DPT: variants seen among roughly 807,000 people sequenced by gnomAD.
DPT encodes the protein dermatopontin.
In DPT, 21 loss-of-function variants were observed where a neutral mutation model predicts 31.2. That is an observed-to-expected ratio of 0.67 (90% CI 0.48 to 0.97). The LOEUF is 0.97. Ranked by LOEUF, DPT falls within the 50% of genes least tolerant of loss-of-function variation. The pLI, the probability that DPT is intolerant of heterozygous loss-of-function variation, is 0.00. For synonymous variants in DPT, 91 were observed against 86.9 expected (o/e 1.05, Z -0.26); for missense variants, 262 against 258.8 (o/e 1.01, Z -0.08).
intron 3 of DPT, among the ~76,000 whole-genome samples, chr1:168,697,213 G>A (rs1168410075): frequency 1.3e-5 from 2 of 152,074 alleles, no homozygotes; most frequent in African/African-American, 2.4e-5. Context: ...GCAGTGAACC[G>A]AGATGGTGCC....
At chr1:168,715,253 A>G (rs1436066293) in intron 1 of DPT, among the ~76,000 whole-genome samples, 1 of 152,244 alleles carries the variant, frequency 6.6e-6, no homozygotes, top group Non-Finnish European at 1.5e-5. Flanking sequence ...TTGACTTAGA[A>G]TAGTACAATC....
chr1:168,717,710 A>G (rs1167658797), intron 1 of DPT, among the ~76,000 whole-genome samples: 1 of 152,076 alleles, frequency 6.6e-6, no homozygotes, highest in African/African-American at 2.4e-5. Context: ...TTAAGTCTTT[A>G]ATTAATCTTG....
chr1:168,706,875 C>T (rs566037764), intron 2 of DPT, among the ~76,000 whole-genome samples: 2 of 152,296 alleles, frequency 1.3e-5, no homozygotes, highest in African/African-American at 4.8e-5. Context: ...CACTTTGACT[C>T]GTGTTGATTT....
intron 1 of DPT, among the ~76,000 whole-genome samples, chr1:168,724,074 T>G (rs944160004): frequency 6.6e-6 from 1 of 152,230 alleles, no homozygotes; most frequent in Non-Finnish European, 1.5e-5. Flanking sequence ...TTATGGCTTT[T>G]GAAATAAAGA....
intron 1 of DPT, among the ~76,000 whole-genome samples, chr1:168,722,849 AACACACACAC>A (rs10585221): frequency 1.3e-5 from 2 of 149,826 alleles, no homozygotes; most frequent in African/African-American, 2.5e-5. Context: ...CCCTCAAAGA[AACACACACAC>A]ACACACACAC....
At chr1:168,699,155 A>G (rs892661091) in intron 3 of DPT, among the ~76,000 whole-genome samples, 1 of 152,158 alleles carries the variant, frequency 6.6e-6, no homozygotes, top group Non-Finnish European at 1.5e-5. Flanking sequence ...CCTTTACTGT[A>G]TTAATTCCTG....
rs1262015173 is a variant in DPT, at chr1:168,729,023, G to A, written c.152C>T (p.Pro51Leu). The change falls in exon 1 of 4, where the codon CCC (proline) becomes CTC (leucine). Residue 51 changes from proline (P) to leucine (L), a missense_variant. Physicochemically the swap from Pro to Leu is moderately conservative, Grantham distance 98. Transcript: ENST00000367817. The stretch of plus-strand genomic sequence containing the variant: ...CACGGCCACTATCACCTGCCCCTGG[G>A]GACACTGGTAGCTGAAGCCTTGCCG... ...LNRQGFSYQC[P>L]QGQVIVAVRS... 1 of 1,614,178 alleles carries A rather than the reference G, an allele frequency of 6.2e-7. No homozygotes were observed. Among genetic ancestry groups the A allele is most frequent in the African/African-American group, 1.3e-5 (1 of 75,042 alleles).
intron 1 of DPT, among the ~76,000 whole-genome samples, chr1:168,723,512 C>G (rs1452390280): frequency 6.6e-6 from 1 of 152,194 alleles, no homozygotes; most frequent in Non-Finnish European, 1.5e-5. Context: ...TCATAAATCA[C>G]CACGTAGATC....
At chr1:168,696,661 T>C (rs1462115538) in intron 3 of DPT, 46 bp from the exon 4 acceptor site, 1 of 1,564,534 alleles carries the variant, frequency 6.4e-7, no homozygotes. Context: ...AGAAAGGACA[T>C]GGCAGGAAGA....
chr1:168,697,899 G>A (rs1649499531), intron 3 of DPT, among the ~76,000 whole-genome samples: 1 of 152,146 alleles, frequency 6.6e-6, no homozygotes, highest in Non-Finnish European at 1.5e-5. Context: ...TGCCTAACTA[G>A]GTAATCTTAA....
chr1:168,722,987 T>C (rs1383664768), intron 1 of DPT, among the ~76,000 whole-genome samples: 1 of 152,144 alleles, frequency 6.6e-6, no homozygotes, highest in Non-Finnish European at 1.5e-5. Flanking sequence ...GCTTTTGCCA[T>C]CCTTACAAGA....
At chr1:168,699,535 T>C (rs1320200246) in intron 3 of DPT, among the ~76,000 whole-genome samples, 2 of 151,982 alleles carry the variant, frequency 1.3e-5, no homozygotes, top group Non-Finnish European at 2.9e-5. Context: ...ATAAAGGTTT[T>C]TGCTGATCAG....
intron 2 of DPT, among the ~76,000 whole-genome samples, chr1:168,706,045 A>C (rs905721898): frequency 1.3e-5 from 2 of 152,188 alleles, no homozygotes; most frequent in African/African-American, 4.8e-5. Flanking sequence ...TAAATTGCCC[A>C]GTCTCGGGTA....
chr1:168,714,397 C>A (rs1390241187), intron 1 of DPT, 51 bp from the exon 2 acceptor site: 4 of 1,609,324 alleles, frequency 2.5e-6, no homozygotes, highest in South Asian at 1.1e-5. Context: ...CATACACAGA[C>A]CCCTTCCCAA....
At chr1:168,728,802 C>A in intron 1 of DPT, 68 bp downstream of exon 1, 2 of 1,556,084 alleles carry the variant, frequency 1.3e-6, no homozygotes, top group Non-Finnish European at 1.8e-6. Flanking sequence ...GAGAGTCTAG[C>A]AGCCCCCAGG....
chr1:168,721,924 T>A (rs898092431), intron 1 of DPT, among the ~76,000 whole-genome samples: 2 of 152,262 alleles, frequency 1.3e-5, no homozygotes, highest in African/African-American at 4.8e-5. Flanking sequence ...TCTGCTAGTC[T>A]GTCTACAAGG....
chr1:168,708,561 G>A (rs141642907), intron 2 of DPT, among the ~76,000 whole-genome samples: 4 of 152,326 alleles, frequency 2.6e-5, no homozygotes, highest in African/African-American at 9.6e-5. Context: ...TATGGAAGCT[G>A]CTCTTCATTT....
chr1:168,698,754 T>C (rs1649520324), intron 3 of DPT, among the ~76,000 whole-genome samples: 1 of 152,100 alleles, frequency 6.6e-6, no homozygotes, highest in South Asian at 2.1e-4. Flanking sequence ...CAATAGCGCA[T>C]AGATGGAACA....
intron 1 of DPT, among the ~76,000 whole-genome samples, chr1:168,720,434 C>T (rs1650075932): frequency 6.6e-6 from 1 of 151,506 alleles, no homozygotes; most frequent in Non-Finnish European, 1.5e-5. Flanking sequence ...GTTGGTGAAC[C>T]CCTCTATACA....
Sources: allele counts gnomAD v4.1 joint callset (sites outside exome capture counted in the v4.1 genomes callset), GRCh38; gene constraint gnomAD v4.1.1; transcripts MANE v1.5; gene names NCBI Gene and HGNC (gene_info 2026-07-23, HGNC 2026-07-21).